Variants in CAMKMT observed in about 807,000 individuals in gnomAD.
The protein encoded by CAMKMT is calmodulin-lysine N-methyltransferase.
CAMKMT carries 53 observed loss-of-function variants against 48.0 expected under a neutral mutation model. The ratio of observed to expected loss-of-function variants is 1.10; its 90% confidence interval spans 0.89 to 1.39. CAMKMT has a LOEUF of 1.39. Ranked by LOEUF, CAMKMT falls within the 40% of genes most tolerant of loss-of-function variation. CAMKMT has a pLI of 0.00. For missense variants in CAMKMT, 428 were observed against 402.7 expected, an observed-to-expected ratio of 1.06 and a Z score of -0.54; for synonymous variants, 165 against 152.3, an observed-to-expected ratio of 1.08 and a Z score of -0.61.
intron 7 of CAMKMT, among the ~76,000 whole-genome samples, chr2:44,726,291 A>G (rs1167816581): frequency 2.0e-5 from 3 of 152,054 alleles, no homozygotes; most frequent in African/African-American, 4.8e-5. Context: ...GCCAGCATCT[A>G]TTGTATCTTG....
chr2:44,561,777 C>T (rs578020721), intron 3 of CAMKMT, among the ~76,000 whole-genome samples: 150 of 152,260 alleles, frequency 9.9e-4, no homozygotes, highest in African/African-American at 3.5e-3. Flanking sequence ...CATTGGATCC[C>T]CTCACTCATT....
In CAMKMT at chr2:44,715,339, GA is replaced by G. The variant is rs1478629498; in HGVS notation, c.613del (p.Ile205TyrfsTer43). ...AGAAGGCTGGTGTGTTTAAGACCCA[GA>G]AAATATCAAGCTGGTAAGATACCTT... ...NQKAGVFKTQ[K>X]ISSCVLRWDN... On this transcript the variant is annotated frameshift_variant, in exon 7 of 11. Coordinates refer to ENST00000378494, the MANE Select transcript of CAMKMT (RefSeq NM_024766.5). LOFTEE classifies it high-confidence loss of function. The G allele has an allele frequency of 6.2e-7, 1 of 1,612,588 alleles. No homozygotes were observed. The highest frequency in any genetic ancestry group is 8.5e-7 in the Non-Finnish European group (1 of 1,179,182).
chr2:44,379,857 T>G (rs1000279023), intron 2 of CAMKMT, among the ~76,000 whole-genome samples: 1 of 152,102 alleles, frequency 6.6e-6, no homozygotes, highest in Non-Finnish European at 1.5e-5. Flanking sequence ...GAGTTATTTT[T>G]ATATATTCTG....
chr2:44,481,960 A>G (rs374161199), intron 3 of CAMKMT, among the ~76,000 whole-genome samples: 7 of 152,228 alleles, frequency 4.6e-5, no homozygotes, highest in African/African-American at 1.4e-4. Flanking sequence ...CTATTTAAAA[A>G]TGAATATGTA....
At chr2:44,439,801 A>G (rs1558616437) in intron 3 of CAMKMT, among the ~76,000 whole-genome samples, 1 of 119,458 alleles carries the variant, frequency 8.4e-6, no homozygotes, top group Non-Finnish European at 1.7e-5. Context: ...AAATAAATAA[A>G]TAAATAAATA....
intron 3 of CAMKMT, among the ~76,000 whole-genome samples, chr2:44,575,898 T>G (rs1272615906): frequency 6.6e-6 from 1 of 151,920 alleles, no homozygotes; most frequent in Admixed American, 6.6e-5. Flanking sequence ...AAAGTATGAG[T>G]GAGACTCTAA....
intron 3 of CAMKMT, among the ~76,000 whole-genome samples, chr2:44,638,563 T>TCAAATGGG (rs1213226606): frequency 6.6e-6 from 1 of 152,234 alleles, no homozygotes; most frequent in Non-Finnish European, 1.5e-5. Context: ...GAGTATCTAT[T>TCAAATGGG]GTCTTTCAAA....
intron 7 of CAMKMT, among the ~76,000 whole-genome samples, chr2:44,721,444 G>T (rs971584579): frequency 6.6e-6 from 1 of 152,020 alleles, no homozygotes; most frequent in Non-Finnish European, 1.5e-5. Context: ...AAACATCCCT[G>T]CATTTCTAGT....
intron 3 of CAMKMT, among the ~76,000 whole-genome samples, chr2:44,590,337 T>TAAAGAAGGAGAAAG (rs1670183116): frequency 6.6e-6 from 1 of 152,230 alleles, no homozygotes. Flanking sequence ...GAATTGGTGT[T>TAAAGAAGGAGAAAG]ATTTCTCCTT....
intron 3 of CAMKMT, among the ~76,000 whole-genome samples, chr2:44,479,446 C>G (rs1433698710): frequency 6.6e-6 from 1 of 152,092 alleles, no homozygotes; most frequent in Non-Finnish European, 1.5e-5. Flanking sequence ...TAGATTCAGG[C>G]GGAAGTTGGA....
At chr2:44,695,921 C>A (rs1048641752) in intron 3 of CAMKMT, among the ~76,000 whole-genome samples, 2 of 151,574 alleles carry the variant, frequency 1.3e-5, no homozygotes, top group Non-Finnish European at 2.9e-5. Context: ...AAAAAAAAGA[C>A]TAAAAATAAC....
intron 3 of CAMKMT, among the ~76,000 whole-genome samples, chr2:44,660,463 C>G (rs1167907928): frequency 2.6e-5 from 4 of 152,164 alleles, no homozygotes; most frequent in African/African-American, 9.7e-5. Context: ...TAATATTTTG[C>G]TCACATTTTA....
chr2:44,423,090 C>G (rs1684039604), intron 3 of CAMKMT, among the ~76,000 whole-genome samples: 1 of 152,154 alleles, frequency 6.6e-6, no homozygotes, highest in Non-Finnish European at 1.5e-5. Flanking sequence ...AATATTTGTT[C>G]TACTGATCAT....
At chr2:44,751,095 A>G (rs760349871) in intron 8 of CAMKMT, among the ~76,000 whole-genome samples, 6 of 152,156 alleles carry the variant, frequency 3.9e-5, no homozygotes, top group Admixed American at 2.6e-4. Context: ...GAGGACAACA[A>G]TGAAATGCAG....
At chr2:44,373,571 C>A (rs983759748) in intron 2 of CAMKMT, among the ~76,000 whole-genome samples, 2 of 152,078 alleles carry the variant, frequency 1.3e-5, no homozygotes, top group Admixed American at 1.3e-4. Flanking sequence ...GAGGGAGGAG[C>A]ACATTTACAG....
chr2:44,626,310 T>C (rs1244047573), intron 3 of CAMKMT, among the ~76,000 whole-genome samples: 1 of 152,180 alleles, frequency 6.6e-6, no homozygotes, highest in Non-Finnish European at 1.5e-5. Context: ...TGGTATTGTA[T>C]TTTTATTTCA....
chr2:44,558,034 T>TATTCATTCATTCATTC (rs60843994), intron 3 of CAMKMT, among the ~76,000 whole-genome samples: 1 of 143,888 alleles, frequency 6.9e-6, no homozygotes, highest in Non-Finnish European at 1.5e-5. Context: ...TTTATTTATT[T>TATTCATTCATTCATTC]ATTCATTCAT....
chr2:44,444,015 G>C (rs962683524), intron 3 of CAMKMT, among the ~76,000 whole-genome samples: 10 of 152,174 alleles, frequency 6.6e-5, no homozygotes, highest in Non-Finnish European at 1.3e-4. Context: ...GGGTATGCTG[G>C]AAAAATTCCA....
chr2:44,728,582 T>G (rs1558821943), intron 7 of CAMKMT, among the ~76,000 whole-genome samples: 1 of 152,168 alleles, frequency 6.6e-6, no homozygotes, highest in South Asian at 2.1e-4. Context: ...ATGACTGACT[T>G]AATTTCAGAA....
Sources: allele counts gnomAD v4.1 joint callset (sites outside exome capture counted in the v4.1 genomes callset), GRCh38; gene constraint gnomAD v4.1.1; transcripts MANE v1.5; gene names NCBI Gene and HGNC (gene_info 2026-07-23, HGNC 2026-07-21).